GRM4: variants seen among roughly 807,000 people sequenced by gnomAD.
The protein encoded by GRM4 is metabotropic glutamate receptor 4.
GRM4 carries 28 observed loss-of-function variants against 81.7 expected under a neutral mutation model. That is an observed-to-expected ratio of 0.34 (90% confidence interval 0.25 to 0.47). The LOEUF (loss-of-function observed/expected upper bound fraction) is 0.47. Among genes scored for constraint, GRM4 ranks in the 20% least tolerant of loss-of-function variants. The pLI is 1.00. For missense variants in GRM4, 948 were observed against 1,290.0 expected (o/e 0.73, Z 4.06); for synonymous variants, 488 against 528.8 (o/e 0.92, Z 1.06).
intron 1 of GRM4, among the ~76,000 whole-genome samples, chr6:34,140,900 C>T (rs1045509143): frequency 6.6e-6 from 1 of 152,338 alleles, no homozygotes; most frequent in Non-Finnish European, 1.5e-5. Flanking sequence ...CAAACTGCAC[C>T]GCATGAATAT....
At chr6:34,128,402 G>A (rs1770108205) in intron 2 of GRM4, among the ~76,000 whole-genome samples, 1 of 132,058 alleles carries the variant, frequency 7.6e-6, no homozygotes, top group Admixed American at 8.3e-5. Flanking sequence ...TTTTGAGACT[G>A]AGTTTCGCTC....
At chr6:34,107,792 A>G (rs1769196695) in intron 2 of GRM4, among the ~76,000 whole-genome samples, 1 of 152,186 alleles carries the variant, frequency 6.6e-6, no homozygotes, top group Non-Finnish European at 1.5e-5. Flanking sequence ...AGGCCACTGC[A>G]ATGGTCCAGG....
At chr6:34,073,040 C>CCA (rs796481109) in intron 3 of GRM4, among the ~76,000 whole-genome samples, 3 of 5,948 alleles carry the variant, frequency 5.0e-4, no homozygotes, top group African/African-American at 1.4e-3. Context: ...CAGATACACA[C>CCA]CACACACACA....
rs1182978502 is a variant in GRM4, at chr6:34,092,469, G to T, written c.520-370C>A. Among the ~76,000 whole-genome samples the T allele has an allele frequency of 6.6e-6, 1 of 152,132 alleles. No homozygotes were observed. Among genetic ancestry groups the T allele is most frequent in the Non-Finnish European group, 1.5e-5 (1 of 67,998 alleles). ...GGATGGGGTGGGATTTGGGTGTTGGGAGGGGCCCTGAGGGGTCATGTGGCC... is the reference window on the plus strand; with the variant it reads ...GGATGGGGTGGGATTTGGGTGTTGGTAGGGGCCCTGAGGGGTCATGTGGCC... On this transcript the variant is annotated intron_variant, in intron 2 of 10. Transcript: ENST00000538487. This position sits in a 1 kb window ranked among gnomAD's most constrained non-coding sequence, Gnocchi z 6.8.
intron 2 of GRM4, among the ~76,000 whole-genome samples, chr6:34,120,365 G>A (rs774158151): frequency 1.3e-5 from 2 of 152,136 alleles, no homozygotes; most frequent in Non-Finnish European, 2.9e-5. Flanking sequence ...TCCTGTGGGG[G>A]TGAGGGAGGC....
At position 34,090,713 on chromosome 6, in the gene GRM4, G is replaced by A. The variant is rs1470495354; in HGVS notation, c.736+1170C>T. On this transcript the variant is annotated intron_variant, in intron 3 of 10. Transcript: ENST00000538487. The surrounding 1 kb of genome is among the most constrained non-coding windows in gnomAD (Gnocchi z 5.2). ...GCTGTACAATTAAAGGGGCTTATCC[G>A]AGATTTATAGCAGGATTATGCCCAC... Among the ~76,000 whole-genome samples the A allele has an allele frequency of 6.6e-6, 1 of 151,942 alleles. No homozygotes were observed. The highest frequency in any genetic ancestry group is 6.6e-5 in the Admixed American group (1 of 15,266).
At chr6:34,071,526 AC>A (rs1766848514) in intron 3 of GRM4, among the ~76,000 whole-genome samples, 1 of 83,456 alleles carries the variant, frequency 1.2e-5, no homozygotes, top group Non-Finnish European at 2.5e-5. Context: ...CCCACACATC[AC>A]CACACGGATA....
chr6:34,028,431 G>C, intron 9 of GRM4, 65 bp from the exon 10 acceptor site: 1 of 1,545,034 alleles, frequency 6.5e-7, no homozygotes, highest in African/African-American at 1.4e-5. Context: ...ACTCCCGCCA[G>C]TTCCCACCCA....
At chr6:34,061,747 C>G in intron 4 of GRM4, 146 bp downstream of exon 4, 1 of 778,144 alleles carries the variant, frequency 1.3e-6, no homozygotes, top group Non-Finnish European at 2.1e-6. Context: ...GTCTCCCTGC[C>G]CACATACCCA....
upstream of GRM4, among the ~76,000 whole-genome samples, chr6:34,150,777 G>T (rs1347716880): frequency 6.6e-6 from 1 of 152,180 alleles, no homozygotes; most frequent in Non-Finnish European, 1.5e-5. Flanking sequence ...TTCCTTTCCA[G>T]CGGCCACGGG....
chr6:34,151,331 T>A (rs1216263237), intron 1 of GRM4, among the ~76,000 whole-genome samples: 1 of 152,162 alleles, frequency 6.6e-6, no homozygotes, highest in African/African-American at 2.4e-5. Context: ...CTCTTGGTCC[T>A]CTCCCTGTCT....
upstream of GRM4, among the ~76,000 whole-genome samples, chr6:34,149,434 G>A (rs1033024366): frequency 6.6e-6 from 1 of 152,238 alleles, no homozygotes; most frequent in Non-Finnish European, 1.5e-5. Context: ...TTTTCAGGAT[G>A]AAGAGCTGAC....
rs1478206593 is a variant in GRM4, at chr6:34,047,789, G to A, written c.1169-7041C>T. Among the ~76,000 whole-genome samples, 2 of 152,188 alleles carry A rather than the reference G, an allele frequency of 1.3e-5. No individual in the cohort carries two copies. Among genetic ancestry groups the A allele is most frequent in the African/African-American group, 4.8e-5 (2 of 41,442 alleles). ...GATAAGGAAACTGAGGCCTGAGGAG[G>A]TGAAGCAGCTTACCCAGTGGGAGTC... On this transcript the variant is annotated intron_variant, in intron 6 of 10. Transcript: ENST00000538487. The surrounding 1 kb of genome is among the most constrained non-coding windows in gnomAD (Gnocchi z 4.5).
chr6:34,077,109 G>A (rs75733421), intron 3 of GRM4, among the ~76,000 whole-genome samples: 8,856 of 152,106 alleles, frequency 0.058, 587 homozygotes, highest in African/African-American at 0.16. Flanking sequence ...GGACTGTCCC[G>A]TGTTACAGTG....
chr6:34,024,302 C>T (rs747627441), intron 10 of GRM4: 4 of 203,650 alleles, frequency 2.0e-5, no homozygotes, highest in Non-Finnish European at 3.1e-5. Flanking sequence ...GTCTTTCCCC[C>T]ATGCGTCTTC....
At chr6:34,101,599 G>C (rs552421399) in intron 2 of GRM4, among the ~76,000 whole-genome samples, 6 of 152,244 alleles carry the variant, frequency 3.9e-5, no homozygotes, top group Non-Finnish European at 8.8e-5. Flanking sequence ...CAGCAGCTGG[G>C]AGACCAGCCC....
chr6:34,139,651 C>T (rs747389652), intron 1 of GRM4, among the ~76,000 whole-genome samples: 9 of 152,240 alleles, frequency 5.9e-5, no homozygotes, highest in Non-Finnish European at 1.2e-4. Context: ...CTCTATGTTC[C>T]CCACGCCCAG....
chr6:34,026,466 CTGG>C (rs1562005507), intron 10 of GRM4, among the ~76,000 whole-genome samples: 1 of 152,116 alleles, frequency 6.6e-6, no homozygotes, highest in Non-Finnish European at 1.5e-5. Context: ...TGCAGGGGGT[CTGG>C]GTGACCACAG....
In GRM4 at chr6:34,091,971, G is replaced by C; in HGVS notation, c.648C>G (p.Leu216=). The C allele has an allele frequency of 1.2e-6, 2 of 1,614,140 alleles. No homozygotes were observed. Among genetic ancestry groups the C allele is most frequent in the Non-Finnish European group, 1.7e-6 (2 of 1,179,970 alleles). Residue 216 remains leucine (L), a synonymous_variant, in exon 3 of 11, where the codon CTC becomes CTG. Coordinates refer to ENST00000538487, the MANE Select transcript of GRM4 (RefSeq NM_000841.4). ...AQAMVDIVRA[L]KWNYVSTVAS... is the part of the protein sequence containing the mutation. ...CCACTGTGGACACATAGTTCCACTT[G>C]AGGGCACGGACGATGTCCACCATGG...
Sources: gnomAD v4.1 joint callset for allele counts (sites outside exome capture counted in the v4.1 genomes callset) on GRCh38, gnomAD v4.1.1 for gene constraint, Gnocchi (gnomAD v3.1) non-coding constraint, MANE v1.5 for transcripts, NCBI Gene and HGNC (gene_info 2026-07-23, HGNC 2026-07-21) for gene names.